The following GRIN2B variants were observed in gnomAD, a reference collection of about 807,000 sequenced individuals.
GRIN2B encodes the protein glutamate receptor ionotropic, NMDA 2B.
A neutral mutation model predicts 114.5 loss-of-function variants in GRIN2B; 5 were observed. The observed-to-expected ratio is 0.04, with a 90% confidence interval of 0.02 to 0.09. The LOEUF (loss-of-function observed/expected upper bound fraction) is 0.09. Among genes scored for constraint, GRIN2B ranks in the 10% least tolerant of loss-of-function variants. The pLI, the probability that GRIN2B is intolerant of heterozygous loss-of-function variation, is 1.00. For synonymous variants in GRIN2B, 787 were observed against 745.1 expected (o/e 1.06, Z -0.92); for missense variants, 1,108 against 1,943.5 (o/e 0.57, Z 8.08).
At chr12:13,728,818 T>C (rs563988473) in intron 4 of GRIN2B, among the ~76,000 whole-genome samples, 1 of 152,352 alleles carries the variant, frequency 6.6e-6, no homozygotes, top group Non-Finnish European at 1.5e-5. Context: ...GTAAGTTGTT[T>C]AACTCTAGTC....
chr12:13,850,865 C>A (rs567453317), intron 3 of GRIN2B, among the ~76,000 whole-genome samples: 1 of 151,944 alleles, frequency 6.6e-6, no homozygotes, highest in Non-Finnish European at 1.5e-5. Context: ...ATTAATAGTG[C>A]GGGCCAGTTG....
chr12:13,966,650 C>T (rs934698524), intron 2 of GRIN2B, among the ~76,000 whole-genome samples: 4 of 152,172 alleles, frequency 2.6e-5, no homozygotes, highest in African/African-American at 7.2e-5. Context: ...TGGCCCTCTA[C>T]ATGGGACAAC....
At chr12:13,971,110 G>A (rs976653590) in intron 2 of GRIN2B, among the ~76,000 whole-genome samples, 5 of 152,130 alleles carry the variant, frequency 3.3e-5, no homozygotes, top group African/African-American at 1.2e-4. Flanking sequence ...CCAGCCAGTA[G>A]ATATTTGAAA....
intron 5 of GRIN2B, among the ~76,000 whole-genome samples, chr12:13,639,633 G>C (rs1412549103): frequency 6.6e-6 from 1 of 152,052 alleles, no homozygotes; most frequent in African/African-American, 2.4e-5. Flanking sequence ...GATTGGAAAA[G>C]CATAATGTGC....
At chr12:13,835,565 C>A (rs1235493354) in intron 3 of GRIN2B, among the ~76,000 whole-genome samples, 1 of 151,828 alleles carries the variant, frequency 6.6e-6, no homozygotes, top group African/African-American at 2.4e-5. Context: ...TCTCAGAAGG[C>A]CACGGAAATG....
chr12:13,675,632 C>G, intron 5 of GRIN2B, 113 bp downstream of exon 5: 2 of 754,580 alleles, frequency 2.7e-6, no homozygotes, highest in Non-Finnish European at 4.9e-6. Flanking sequence ...GGTATTGATC[C>G]CTTGCTCCAC....
intron 3 of GRIN2B, among the ~76,000 whole-genome samples, chr12:13,834,503 G>A (rs1309870973): frequency 6.6e-6 from 1 of 152,064 alleles, no homozygotes; most frequent in Non-Finnish European, 1.5e-5. Context: ...TTCCCACTCT[G>A]GGCCCACATA....
At chr12:13,717,066 C>T (rs1034246618) in intron 4 of GRIN2B, among the ~76,000 whole-genome samples, 29 of 146,038 alleles carry the variant, frequency 2.0e-4, no homozygotes, top group Middle Eastern at 3.5e-3. Context: ...ATGCCATACG[C>T]GTGTGTGTGT....
intron 3 of GRIN2B, among the ~76,000 whole-genome samples, chr12:13,791,332 G>GT (rs1393314870): frequency 6.6e-6 from 1 of 151,476 alleles, no homozygotes; most frequent in Non-Finnish European, 1.5e-5. Flanking sequence ...GGCGCCTGTA[G>GT]CCCAGCTACT....
intron 5 of GRIN2B, among the ~76,000 whole-genome samples, chr12:13,618,238 G>A (rs1443987037): frequency 6.6e-6 from 1 of 152,184 alleles, no homozygotes; most frequent in Non-Finnish European, 1.5e-5. Flanking sequence ...GGCCAGGTAG[G>A]AATTGGGAGA....
At chr12:13,967,428 T>G (rs1211368305) in intron 2 of GRIN2B, among the ~76,000 whole-genome samples, 2 of 152,244 alleles carry the variant, frequency 1.3e-5, no homozygotes, top group African/African-American at 4.8e-5. Context: ...TTGTGCCATT[T>G]AAGCAAAGCA....
chr12:13,865,562 G>T (rs1591774014), intron 3 of GRIN2B, among the ~76,000 whole-genome samples: 1 of 152,264 alleles, frequency 6.6e-6, no homozygotes, highest in African/African-American at 2.4e-5. Flanking sequence ...AACCTGGGAA[G>T]TGGAGGTTGC....
intron 4 of GRIN2B, among the ~76,000 whole-genome samples, chr12:13,686,264 A>G (rs1455722938): frequency 1.3e-5 from 2 of 152,180 alleles, no homozygotes; most frequent in Non-Finnish European, 2.9e-5. Context: ...AATGAGATTG[A>G]CCCTTGAGTC....
At chr12:13,572,717 C>T (rs1166729285) in intron 10 of GRIN2B, among the ~76,000 whole-genome samples, 1 of 152,208 alleles carries the variant, frequency 6.6e-6, no homozygotes, top group African/African-American at 2.4e-5. Context: ...TTCCTGAACA[C>T]AAAATTTGTT....
At position 13,558,236 on chromosome 12, in the gene GRIN2B, G is replaced by A. The variant is rs1948497701; in HGVS notation, c.*4547C>T. 6.6e-6 allele frequency: 1 copy of A among 152,144 alleles called. No individual in the cohort carries two copies. The highest frequency in any genetic ancestry group is 6.5e-5 in the Admixed American group (1 of 15,276). The allele number at this position is 152,144 out of a possible 1,614,324, so 9.4% of individuals were successfully genotyped here. ...ACATAAGGTATGGCCACAGTCCCTG[G>A]AAATGCTGAATGCATTCATCAATAT... On this transcript the variant is annotated 3_prime_UTR_variant, in exon 14 of 14. Transcript: ENST00000609686.
At chr12:13,608,464 C>T (rs1591638562) in intron 10 of GRIN2B, 139 bp downstream of exon 10, 1 of 707,424 alleles carries the variant, frequency 1.4e-6, no homozygotes, top group African/African-American at 1.8e-5. Flanking sequence ...GACTTCTACT[C>T]CCATGTTCCA....
rs145998014 is a variant in GRIN2B at position 13,545,549 on chromosome 12, G to A, written c.*17234C>T. On this transcript the variant is annotated 3_prime_UTR_variant, in exon 14 of 14. Transcript: ENST00000609686. ...AGCTCCAGTAAACAAAACAATGCAA[G>A]CAAGGAAACAACTCCTCCCCCAAAA... 6.6e-6 allele frequency: 1 copy of A among 152,226 alleles called. No individual in the cohort carries two copies. Among genetic ancestry groups the A allele is most frequent in the Non-Finnish European group, 1.5e-5 (1 of 68,018 alleles). The allele number at this position is 152,226 out of a possible 1,614,324, so 9.4% of individuals were successfully genotyped here. A position where few individuals can be genotyped will look rare whatever the true frequency, so the allele number is the denominator to read the frequency against.
At chr12:13,856,407 T>C (rs116137776) in intron 3 of GRIN2B, among the ~76,000 whole-genome samples, 1,920 of 152,172 alleles carry the variant, frequency 0.013, 40 homozygotes, top group African/African-American at 0.045. Flanking sequence ...CAAAGAATCA[T>C]AGGTAAGCTT....
chr12:13,585,351 A>G lies in GRIN2B; in HGVS notation c.2011-13387T>C, dbSNP rs567222272. Among the ~76,000 whole-genome samples the G allele has an allele frequency of 7.2e-5, 11 of 152,274 alleles. No homozygotes were observed. In the East Asian group the frequency reaches 1.9e-3, roughly 27 times the overall value. On this transcript the variant is annotated intron_variant, in intron 10 of 13. Coordinates refer to ENST00000609686, the MANE Select transcript of GRIN2B (RefSeq NM_000834.5). ...CAGGTGTGTCTCTGCCCTCCTGGCA[A>G]TCAATCAGATCTGTCAGTTCCAAAT... is the stretch of plus-strand genomic sequence containing the variant.
Sources: allele counts gnomAD v4.1 joint callset (sites outside exome capture counted in the v4.1 genomes callset), GRCh38; gene constraint gnomAD v4.1.1; transcripts MANE v1.5; gene names NCBI Gene and HGNC (gene_info 2026-07-23, HGNC 2026-07-21).